The following CPNE4 variants were observed in gnomAD, a reference collection of about 807,000 sequenced individuals.
CPNE4 encodes the protein copine-4.
CPNE4 carries 25 observed loss-of-function variants against 67.9 expected under a neutral mutation model. The observed-to-expected ratio is 0.37, with a 90% CI of 0.27 to 0.51. The LOEUF (loss-of-function observed/expected upper bound fraction) is 0.51, where lower values mean the gene tolerates loss of function less well. CPNE4 is among the 20% of genes least tolerant of loss of function. CPNE4 has a pLI of 0.93. For missense variants in CPNE4, 464 were observed against 690.8 expected (o/e 0.67, Z 3.68); for synonymous variants, 242 against 244.9 (o/e 0.99, Z 0.11).
chr3:131,898,834 CTTTT>C (rs1156925931), intron 2 of CPNE4, among the ~76,000 whole-genome samples: 1 of 151,920 alleles, frequency 6.6e-6, no homozygotes, highest in Non-Finnish European at 1.5e-5. Flanking sequence ...CTTTCTTTTT[CTTTT>C]TTGTTTTTTT....
chr3:131,552,259 T>C (rs1936223527), intron 13 of CPNE4, among the ~76,000 whole-genome samples, 181 bp downstream of exon 13: 1 of 152,092 alleles, frequency 6.6e-6, no homozygotes, highest in Non-Finnish European at 1.5e-5. Context: ...AGTTCTTATT[T>C]TCCTGCTCTG....
At chr3:131,788,785 G>A (rs2083631731) in intron 2 of CPNE4, among the ~76,000 whole-genome samples, 1 of 151,900 alleles carries the variant, frequency 6.6e-6, no homozygotes, top group South Asian at 2.1e-4. Flanking sequence ...AAATTCTGAG[G>A]CTATAACGTT....
intron 2 of CPNE4, among the ~76,000 whole-genome samples, chr3:131,883,748 C>T (rs2087770616): frequency 6.6e-6 from 1 of 152,218 alleles, no homozygotes; most frequent in Non-Finnish European, 1.5e-5. Flanking sequence ...GATCTACCCT[C>T]TTCACAAAAT....
At chr3:131,831,940 TATA>T (rs1458949475) in intron 2 of CPNE4, among the ~76,000 whole-genome samples, 5 of 152,202 alleles carry the variant, frequency 3.3e-5, no homozygotes, top group African/African-American at 1.2e-4. Context: ...AGTTAAATAA[TATA>T]ATGTACAAAG....
At chr3:131,892,454 T>A (rs532757537) in intron 2 of CPNE4, among the ~76,000 whole-genome samples, 1 of 152,026 alleles carries the variant, frequency 6.6e-6, no homozygotes, top group South Asian at 2.1e-4. Flanking sequence ...CAGCTAGAAA[T>A]AAAAGAACAA....
intron 7 of CPNE4, among the ~76,000 whole-genome samples, chr3:131,593,710 G>A (rs539304260): frequency 6.6e-6 from 1 of 151,876 alleles, no homozygotes; most frequent in South Asian, 2.1e-4. Flanking sequence ...TGGTTTGTTT[G>A]TTTGTTTGTT....
chr3:131,906,510 TTTTG>T (rs2088771570), intron 1 of CPNE4, among the ~76,000 whole-genome samples: 3 of 151,140 alleles, frequency 2.0e-5, no homozygotes, highest in African/African-American at 7.3e-5. Flanking sequence ...GTGTTTGGTT[TTTTG>T]TTCTTGCGAT....
At chr3:131,667,272 T>G (rs550648471) in intron 7 of CPNE4, among the ~76,000 whole-genome samples, 1 of 143,378 alleles carries the variant, frequency 7.0e-6, no homozygotes, top group East Asian at 1.9e-4. Flanking sequence ...TGAAAGAAAT[T>G]AAAACATTTT....
At chr3:131,957,904 A>T (rs1264386288) in intron 1 of CPNE4, among the ~76,000 whole-genome samples, 2 of 152,228 alleles carry the variant, frequency 1.3e-5, no homozygotes, top group Non-Finnish European at 2.9e-5. Context: ...TTTCAAGCAG[A>T]TGTGAAAACT....
In CPNE4 at chr3:131,726,358, C is replaced by T. The variant is rs544262429; in HGVS notation, c.181-2733G>A. On this transcript the variant is annotated intron_variant, in intron 2 of 15. Transcript: ENST00000429747. Reference sequence around the variant, plus strand: ...GCACTGAGTGACTTGGTTTTTTGAGCGAAATGACAAGATGGAAAGACATTA... The same window carrying T: ...GCACTGAGTGACTTGGTTTTTTGAGTGAAATGACAAGATGGAAAGACATTA... Among the ~76,000 whole-genome samples, 20 of 152,060 alleles carry T rather than the reference C, an allele frequency of 1.3e-4. No homozygotes were observed. The South Asian group carries it at 2.5e-3, about 19-fold the overall frequency.
At chr3:131,809,785 A>T (rs1189992381) in intron 2 of CPNE4, among the ~76,000 whole-genome samples, 1 of 152,134 alleles carries the variant, frequency 6.6e-6, no homozygotes, top group African/African-American at 2.4e-5. Context: ...AAGGTAATAA[A>T]TATTTCCAAG....
intron 2 of CPNE4, among the ~76,000 whole-genome samples, chr3:131,850,665 T>C (rs543748958): frequency 1.9e-4 from 29 of 152,250 alleles, no homozygotes; most frequent in African/African-American, 7.0e-4. Context: ...TACAGCACTT[T>C]ATTAGGGACA....
intron 1 of CPNE4, among the ~76,000 whole-genome samples, chr3:131,977,997 C>A (rs1289557826): frequency 1.4e-5 from 2 of 140,570 alleles, no homozygotes; most frequent in Non-Finnish European, 3.0e-5. Flanking sequence ...CAGGTCACTG[C>A]AAATGCTATT....
intron 2 of CPNE4, among the ~76,000 whole-genome samples, chr3:131,865,842 T>C (rs529202048): frequency 2.6e-5 from 4 of 152,122 alleles, no homozygotes; most frequent in South Asian, 2.1e-4. Flanking sequence ...ATGGGAAGAA[T>C]AGAAATCAGG....
intron 1 of CPNE4, among the ~76,000 whole-genome samples, chr3:132,014,104 G>T (rs182723327): frequency 6.6e-6 from 1 of 152,274 alleles, no homozygotes; most frequent in East Asian, 1.9e-4. Context: ...TTTCTTGAGG[G>T]CTCCTAAACA....
At chr3:131,996,210 G>T (rs1399330999) in intron 1 of CPNE4, among the ~76,000 whole-genome samples, 2 of 152,188 alleles carry the variant, frequency 1.3e-5, no homozygotes, top group Non-Finnish European at 2.9e-5. Context: ...TTCCTTTGGA[G>T]ATTTAATTAT....
intron 2 of CPNE4, among the ~76,000 whole-genome samples, chr3:131,845,986 CAA>C (rs2085982583): frequency 6.6e-6 from 1 of 152,096 alleles, no homozygotes; most frequent in South Asian, 2.1e-4. Flanking sequence ...CTCAATTCTG[CAA>C]AGTTAACTAT....
At chr3:131,879,745 C>T (rs1218579788) in intron 2 of CPNE4, among the ~76,000 whole-genome samples, 3 of 152,150 alleles carry the variant, frequency 2.0e-5, no homozygotes, top group Non-Finnish European at 4.4e-5. Flanking sequence ...TTTATAAGGT[C>T]CTACTAAGAA....
chr3:131,804,138 C>A (rs1466993788), intron 2 of CPNE4, among the ~76,000 whole-genome samples: 1 of 152,050 alleles, frequency 6.6e-6, no homozygotes, highest in African/African-American at 2.4e-5. Flanking sequence ...TACCACTGAA[C>A]ATTTGTGATT....
Sources: allele counts gnomAD v4.1 joint callset (sites outside exome capture counted in the v4.1 genomes callset), GRCh38; gene constraint gnomAD v4.1.1; transcripts MANE v1.5; gene names NCBI Gene and HGNC (gene_info 2026-07-23, HGNC 2026-07-21).